Variants in SEPTIN2 observed in about 807,000 individuals in gnomAD.
SEPTIN2 encodes the protein septin 2, also known as septin-2.
SEPTIN2 carries 34 observed loss-of-function variants against 46.5 expected under a neutral mutation model. The ratio of observed to expected loss-of-function variants is 0.73; its 90% CI spans 0.56 to 0.97. SEPTIN2 has a LOEUF of 0.97. Ranked by LOEUF, SEPTIN2 falls within the 50% of genes least tolerant of loss-of-function variation. The pLI is 0.00. For missense variants in SEPTIN2, 347 were observed against 448.4 expected (o/e 0.77, Z 2.04); for synonymous variants, 175 against 153.4 (o/e 1.14, Z -1.04).
chr2:241,326,332 C>G (rs1317802718), intron 3 of SEPTIN2, among the ~76,000 whole-genome samples: 4 of 152,210 alleles, frequency 2.6e-5, no homozygotes, highest in Admixed American at 1.3e-4. Context: ...AAAGTTTACT[C>G]ATTGTGTCAG....
chr2:241,324,325 T>A (rs2077592391), intron 2 of SEPTIN2, 84 bp downstream of exon 2: 2 of 1,082,712 alleles, frequency 1.8e-6, no homozygotes, highest in Non-Finnish European at 2.8e-6. Context: ...CTTATATGAT[T>A]CATTATTTTT....
Position 241,353,022 on chromosome 2 carries a change from G to GA in SEPTIN2, c.*1087dup, listed in dbSNP as rs749230822. ...TCCCGCCCTAAGGCCTTGGTGCCCT[G>GA]AACCTCTGATGCCTACCGGGTTCTC... On this transcript the variant is annotated 3_prime_UTR_variant, in exon 13 of 13. Transcript: ENST00000391971. 1 of 152,216 alleles carries GA rather than the reference G, an allele frequency of 6.6e-6. No homozygotes were observed. The highest frequency in any genetic ancestry group is 1.5e-5 in the Non-Finnish European group (1 of 68,034). 9.4% of individuals were successfully genotyped at this position (152,216 alleles called of 1,614,324 possible). A position where few individuals can be genotyped will look rare whatever the true frequency, so the allele number is the denominator to read the frequency against.
At chr2:241,348,492 A>G (rs2060480341) in intron 11 of SEPTIN2, among the ~76,000 whole-genome samples, 1 of 152,160 alleles carries the variant, frequency 6.6e-6, no homozygotes, top group Non-Finnish European at 1.5e-5. Context: ...TGGCCTCCCA[A>G]AGTGCTGGGA....
chr2:241,328,648 C>T (rs537786877), intron 3 of SEPTIN2, among the ~76,000 whole-genome samples: 6 of 151,194 alleles, frequency 4.0e-5, no homozygotes, highest in African/African-American at 1.2e-4. Context: ...AGGCTGAGGC[C>T]GGAGAATCAC....
In SEPTIN2 at chr2:241,344,633, G is replaced by A. The variant is rs531901942; in HGVS notation, c.842+736G>A. On this transcript the variant is annotated intron_variant, in intron 9 of 12. Transcript: ENST00000391971. Reference sequence around the variant, plus strand: ...AGGAGAATCACTGTTGAACCAGGAGGCAGAGGTTGCAGTGAGCCAAGATTG... The same window carrying A: ...AGGAGAATCACTGTTGAACCAGGAGACAGAGGTTGCAGTGAGCCAAGATTG... Among the ~76,000 whole-genome samples, 3 of 152,310 alleles carry A rather than the reference G, an allele frequency of 2.0e-5. No individual in the cohort carries two copies. In the South Asian group the frequency reaches 6.2e-4, roughly 32 times the overall value.
In SEPTIN2 at chr2:241,337,771, G is replaced by A. The variant is rs779318154; in HGVS notation, c.575G>A (p.Arg192Gln). The A allele has an allele frequency of 4.3e-6, 7 of 1,613,844 alleles. No individual in the cohort carries two copies. The highest frequency in any genetic ancestry group is 2.2e-5 in the South Asian group (2 of 91,058). ...GCTGACACTCTCACCCTGAAGGAAC[G>A]GGAGCGGCTGAAGAAAAGGGTGAGT... The part of the protein sequence containing the change: ...AKADTLTLKE[R>Q]ERLKKRILDE... The change falls in exon 7 of 13, where the codon CGG becomes CAG. Residue 192 changes from arginine to glutamine, a missense_variant. Arg to Gln is a conservative substitution (Grantham distance 43). Transcript: ENST00000391971.
rs368758776 is a variant in SEPTIN2, at chr2:241,334,169, C to G, written c.131-957C>G. On this transcript the variant is annotated intron_variant, in intron 3 of 12. Transcript: ENST00000391971. ...GATTATAGGTGTGAGCCACTATGCC[C>G]AGCCAGAAATAATTTTTCAAAAGAG... is the stretch of plus-strand genomic sequence containing the variant. Among the ~76,000 whole-genome samples the G allele has an allele frequency of 2.4e-4, 37 of 152,238 alleles. No individual in the cohort carries two copies. The South Asian group carries it at 7.1e-3, about 29-fold the overall frequency.
At chr2:241,349,865 C>G (rs536400992) in intron 11 of SEPTIN2, among the ~76,000 whole-genome samples, 5 of 152,264 alleles carry the variant, frequency 3.3e-5, no homozygotes, top group South Asian at 2.1e-4. Flanking sequence ...GTTATTGTTT[C>G]TGTTTGGCTT....
intron 5 of SEPTIN2, chr2:241,336,343 G>C: frequency 4.4e-6 from 2 of 456,656 alleles, no homozygotes; most frequent in Non-Finnish European, 3.9e-6. Flanking sequence ...TAGTATAAAT[G>C]AAACACCTGG....
chr2:241,328,506 G>A (rs1019806035), intron 3 of SEPTIN2, among the ~76,000 whole-genome samples: 2 of 151,112 alleles, frequency 1.3e-5, no homozygotes, highest in Non-Finnish European at 1.5e-5. Flanking sequence ...GGAGGCTGAG[G>A]TGGGCAGATC....
rs183583324 is a variant in SEPTIN2 at position 241,317,303 on chromosome 2, T to A, written c.-18+1321T>A. 1.2e-4 allele frequency among the ~76,000 whole-genome samples: 18 copies of A among 152,278 alleles called. 1 individual carries two copies. In the East Asian group the frequency reaches 3.3e-3, roughly 28 times the overall value. On this transcript the variant is annotated intron_variant, in intron 1 of 12. Coordinates refer to ENST00000391971, the MANE Select transcript of SEPTIN2 (RefSeq NM_004404.5). ...CATTAGCTATAAAGGTTGTCCTGATTTTTTTTCCTCAACTTCCACCTTGAT... is the reference window on the plus strand; with the variant it reads ...CATTAGCTATAAAGGTTGTCCTGATATTTTTTCCTCAACTTCCACCTTGAT...
chr2:241,333,047 A>T (rs1011761469), intron 3 of SEPTIN2, among the ~76,000 whole-genome samples: 10 of 152,190 alleles, frequency 6.6e-5, no homozygotes, highest in African/African-American at 2.4e-4. Flanking sequence ...TGATTATCTG[A>T]GTATCTACTT....
At chr2:241,321,998 C>T (rs1241341116) in intron 1 of SEPTIN2, among the ~76,000 whole-genome samples, 3 of 152,144 alleles carry the variant, frequency 2.0e-5, no homozygotes, top group East Asian at 3.9e-4. Context: ...AAATTAAAGG[C>T]TCTTGAACCT....
intron 5 of SEPTIN2, 23 bp from the exon 6 acceptor site, chr2:241,337,359 G>A (rs776086516): frequency 2.6e-5 from 42 of 1,606,106 alleles, no homozygotes; most frequent in Non-Finnish European, 3.5e-5. Flanking sequence ...TATGATTATT[G>A]TTAATGTTTC....
chr2:241,335,563 A>G (rs1199323212), intron 4 of SEPTIN2: 16 of 613,892 alleles, frequency 2.6e-5, no homozygotes, highest in African/African-American at 7.4e-5. Context: ...GAATTCATCT[A>G]CTGTCAGAAA....
intron 1 of SEPTIN2, among the ~76,000 whole-genome samples, chr2:241,323,830 TA>T (rs2077513171): frequency 6.6e-6 from 1 of 152,224 alleles, no homozygotes; most frequent in African/African-American, 2.4e-5. Flanking sequence ...CATTTAAAGA[TA>T]CAAATTTGAT....
chr2:241,316,432 C>T (rs937116282), intron 1 of SEPTIN2: 7 of 1,313,786 alleles, frequency 5.3e-6, no homozygotes, highest in Non-Finnish European at 7.0e-6. Context: ...GCGTGGAGGA[C>T]TGGCCAGCCC....
At chr2:241,328,613 A>G (rs1386131831) in intron 3 of SEPTIN2, among the ~76,000 whole-genome samples, 1 of 151,718 alleles carries the variant, frequency 6.6e-6, no homozygotes, top group Admixed American at 6.6e-5. Flanking sequence ...GTGTTGGCAC[A>G]TGCCTGTAAT....
intron 7 of SEPTIN2, among the ~76,000 whole-genome samples, chr2:241,339,813 C>T (rs1349868654): frequency 1.3e-5 from 2 of 152,142 alleles, no homozygotes; most frequent in Non-Finnish European, 2.9e-5. Flanking sequence ...CATCTCCATC[C>T]CCTGCTCTGC....
Sources: gnomAD v4.1 joint callset for allele counts (sites outside exome capture counted in the v4.1 genomes callset) on GRCh38, gnomAD v4.1.1 for gene constraint, MANE v1.5 for transcripts, NCBI Gene and HGNC (gene_info 2026-07-23, HGNC 2026-07-21) for gene names.